Variants in CCDC186 observed in about 807,000 individuals in gnomAD.
CCDC186 encodes coiled-coil domain containing 186.
A neutral mutation model predicts 113.7 loss-of-function variants in CCDC186; 49 were observed. That is an observed-to-expected ratio of 0.43 (90% CI 0.34 to 0.55). CCDC186 has a LOEUF of 0.55. Among genes scored for constraint, CCDC186 ranks in the 20% least tolerant of loss-of-function variants. The pLI is 0.02. For synonymous variants in CCDC186, 355 were observed against 345.8 expected (o/e 1.03, Z -0.30); for missense variants, 890 against 1,011.1 (o/e 0.88, Z 1.62).
chr10:114,136,787 T>C (rs1451924137), intron 7 of CCDC186, among the ~76,000 whole-genome samples: 1 of 152,196 alleles, frequency 6.6e-6, no homozygotes, highest in African/African-American at 2.4e-5. Flanking sequence ...ACATTCCATA[T>C]GCAGATGTAG....
Position 114,126,005 on chromosome 10 carries a change from C to A in CCDC186, c.2494G>T (p.Ala832Ser), listed in dbSNP as rs1173809231. 2.5e-6 allele frequency: 4 copies of A among 1,613,994 alleles called. No homozygotes were observed. The South Asian group carries it at 3.3e-5, about 13-fold the overall frequency. The change falls in exon 15 of 16, where the codon GCA becomes TCA. Residue 832 changes from alanine (A) to serine (S), a missense_variant. Coordinates refer to ENST00000369287, the MANE Select transcript of CCDC186 (RefSeq NM_018017.4). ...GCTGGATGGGATGTATATAAAGATG[C>A]CATGATGCCACCCCGTCTACTTAAA... ...VHLSRRGGIM[A>S]SLYTSHPADN... is the part of the protein sequence containing the mutation.
intron 1 of CCDC186, among the ~76,000 whole-genome samples, chr10:114,163,652 G>A (rs1352689113): frequency 5.3e-5 from 8 of 152,108 alleles, no homozygotes; most frequent in Non-Finnish European, 7.4e-5. Context: ...GCAACTAGAC[G>A]AGTGCCAAAG....
At chr10:114,147,221 T>C (rs1348239216) in intron 4 of CCDC186, among the ~76,000 whole-genome samples, 1 of 152,200 alleles carries the variant, frequency 6.6e-6, no homozygotes, top group Non-Finnish European at 1.5e-5. Flanking sequence ...GTATCATCTA[T>C]TGGAAACAAA....
chr10:114,131,871 G>C, intron 11 of CCDC186, 58 bp downstream of exon 11: 4 of 1,459,264 alleles, frequency 2.7e-6, no homozygotes, highest in East Asian at 2.4e-5. Context: ...TATACTGTTA[G>C]GGAAATTTAA....
intron 1 of CCDC186, among the ~76,000 whole-genome samples, chr10:114,167,362 T>C (rs1394262202): frequency 2.6e-5 from 4 of 152,142 alleles, no homozygotes; most frequent in African/African-American, 4.8e-5. Flanking sequence ...CAATGGTCTA[T>C]GTGTATATAC....
rs776036322 is a variant in CCDC186, at chr10:114,127,453, A to G, written c.2393+8T>C. 6.2e-7 allele frequency: 1 copy of G among 1,611,988 alleles called. No individual in the cohort carries two copies. The highest frequency in any genetic ancestry group is 8.5e-7 in the Non-Finnish European group (1 of 1,178,482). On this transcript the variant is annotated splice_region_variant and intron_variant, in intron 14 of 15. Transcript: ENST00000369287. ...GAAGACCGATCATGCTACCGTAATAATACATACTTTGTTTTTTTCCTAATT... is the reference window on the plus strand; with the variant it reads ...GAAGACCGATCATGCTACCGTAATAGTACATACTTTGTTTTTTTCCTAATT...
chr10:114,165,668 C>G lies in CCDC186; in HGVS notation c.-61-2339G>C, dbSNP rs186272538. Among the ~76,000 whole-genome samples, 15 of 152,050 alleles carry G rather than the reference C, an allele frequency of 9.9e-5. No homozygotes were observed. The South Asian group carries it at 1.0e-3, about 11-fold the overall frequency. On this transcript the variant is annotated intron_variant, in intron 1 of 15. Coordinates refer to ENST00000369287, the MANE Select transcript of CCDC186 (RefSeq NM_018017.4). ...TTGCGCCACTGCACTCCAGCCTGGG[C>G]GACGGAGCGAGACTCTGTCTCAAAA...
Position 114,165,338 on chromosome 10 carries a change from A to T in CCDC186, c.-61-2009T>A, listed in dbSNP as rs114650357. Among the ~76,000 whole-genome samples, 1,234 of 152,334 alleles carry T rather than the reference A, an allele frequency of 8.1e-3. 20 individuals carry two copies. Among genetic ancestry groups the T allele is most frequent in the African/African-American group, 0.029 (1,188 of 41,562 alleles). On this transcript the variant is annotated intron_variant, in intron 1 of 15. Transcript: ENST00000369287. ...TATTCCAAAATCTAGGACAAAATAA[A>T]ATAATTCTCAAACAGAGGCACTGCC...
chr10:114,156,153 C>G (rs770462600), intron 3 of CCDC186, among the ~76,000 whole-genome samples: 1 of 152,058 alleles, frequency 6.6e-6, no homozygotes, highest in Non-Finnish European at 1.5e-5. Flanking sequence ...ATGTGGGGAC[C>G]CTAGAGCACA....
intron 15 of CCDC186, 44 bp from the exon 16 acceptor site, chr10:114,125,270 GT>G: frequency 7.2e-7 from 1 of 1,387,882 alleles, no homozygotes; most frequent in Non-Finnish European, 1.0e-6. Flanking sequence ...AAAAACAAAA[GT>G]ATAATAAATA....
chr10:114,157,670 CT>C lies in CCDC186; in HGVS notation c.642del (p.Glu215LysfsTer10). ...AAGAGCTCCTGATGCTTCTTATTTT[CT>C]TTAATTAACCTAAATATAAAAAGGG... is the stretch of plus-strand genomic sequence containing the variant. ...QQEHIIKKLI[K>X]ENKKHQELFV... On this transcript the variant is annotated frameshift_variant, in exon 3 of 16. Coordinates refer to ENST00000369287, the MANE Select transcript of CCDC186 (RefSeq NM_018017.4). LOFTEE classifies it high-confidence loss of function. The C allele has an allele frequency of 6.3e-7, 1 of 1,585,240 alleles. No homozygotes were observed.
chr10:114,149,020 T>A (rs543416801), intron 4 of CCDC186, among the ~76,000 whole-genome samples: 1 of 152,358 alleles, frequency 6.6e-6, no homozygotes, highest in African/African-American at 2.4e-5. Context: ...TTTCATCTTT[T>A]CTATATGCTT....
intron 14 of CCDC186, among the ~76,000 whole-genome samples, chr10:114,126,879 A>G (rs903958601): frequency 1.5e-4 from 23 of 152,336 alleles, no homozygotes; most frequent in African/African-American, 5.5e-4. Flanking sequence ...AATTTGGCGC[A>G]GCACTCCTGA....
chr10:114,161,003 G>C (rs1050499561), intron 2 of CCDC186, among the ~76,000 whole-genome samples: 2 of 152,164 alleles, frequency 1.3e-5, no homozygotes, highest in African/African-American at 4.8e-5. Context: ...ACTTGGCCAA[G>C]ACAACAGAGC....
chr10:114,163,651 C>G (rs1047897570), intron 1 of CCDC186, among the ~76,000 whole-genome samples: 5 of 152,028 alleles, frequency 3.3e-5, no homozygotes, highest in Non-Finnish European at 1.5e-5. Context: ...AGCAACTAGA[C>G]GAGTGCCAAA....
chr10:114,145,251 G>A (rs1424225010), intron 5 of CCDC186, among the ~76,000 whole-genome samples: 1 of 152,068 alleles, frequency 6.6e-6, no homozygotes, highest in Non-Finnish European at 1.5e-5. Flanking sequence ...CCCTTGAGAT[G>A]CAAATTTCTC....
At position 114,131,269 on chromosome 10, in the gene CCDC186, G is replaced by C; in HGVS notation, c.1979C>G (p.Ala660Gly). ...EEVQTLQAELACRQTEVKALS... is the reference protein window; with the variant it reads ...EEVQTLQAELGCRQTEVKALS... Reference sequence around the variant, plus strand: ...TGCTTTAACTTCTGTTTGTCTACAAGCGAGTTCAGCTTGCAGAGTTTGGAC... The same window carrying C: ...TGCTTTAACTTCTGTTTGTCTACAACCGAGTTCAGCTTGCAGAGTTTGGAC... Residue 660 changes from alanine to glycine, a missense_variant, in exon 12 of 16, where the codon GCT (alanine) becomes GGT (glycine). Transcript: ENST00000369287. 1 of 1,603,272 alleles carries C rather than the reference G, an allele frequency of 6.2e-7. No individual in the cohort carries two copies. The highest frequency in any genetic ancestry group is 1.1e-5 in the South Asian group (1 of 89,090).
At chr10:114,157,929 T>C (rs901890517) in intron 2 of CCDC186, among the ~76,000 whole-genome samples, 1 of 152,244 alleles carries the variant, frequency 6.6e-6, no homozygotes, top group Admixed American at 6.5e-5. Context: ...ATCATATGAA[T>C]GAAAAGCACA....
intron 5 of CCDC186, among the ~76,000 whole-genome samples, chr10:114,144,970 G>A (rs2031589970): frequency 6.6e-6 from 1 of 151,690 alleles, no homozygotes; most frequent in African/African-American, 2.4e-5. Context: ...AAAAGCTAAT[G>A]AATTAAAAAA....
Sources: gnomAD v4.1 joint callset for allele counts (sites outside exome capture counted in the v4.1 genomes callset) on GRCh38, gnomAD v4.1.1 for gene constraint, MANE v1.5 for transcripts, NCBI Gene and HGNC (gene_info 2026-07-23, HGNC 2026-07-21) for gene names.